PLA2G7: variants seen among roughly 807,000 people sequenced by gnomAD.
The protein encoded by PLA2G7 is platelet-activating factor acetylhydrolase.
PLA2G7 carries 63 observed loss-of-function variants against 49.6 expected under a neutral mutation model. The ratio of observed to expected loss-of-function variants is 1.27; its 90% confidence interval spans 1.04 to 1.57. PLA2G7 has a LOEUF of 1.57. PLA2G7 is among the 40% of genes most tolerant of loss of function. The pLI is 0.00. For missense variants in PLA2G7, 596 were observed against 521.2 expected (o/e 1.14, Z -1.40); for synonymous variants, 193 against 169.9 (o/e 1.14, Z -1.06).
At chr6:46,705,040 G>T (rs755732997) in intron 11 of PLA2G7, 113 bp downstream of exon 11, 5 of 828,522 alleles carry the variant, frequency 6.0e-6, no homozygotes, top group Non-Finnish European at 1.0e-5. Flanking sequence ...ATACTGCTTT[G>T]TTCCATTGTA....
rs1345343394 is a variant in PLA2G7 at position 46,709,568 on chromosome 6, T to A, written c.778-150A>T. On this transcript the variant is annotated intron_variant, in intron 8 of 11. Transcript: ENST00000274793. ...ATATACATATACACACATACATTTA[T>A]ACATACCATACACACATATACATCT... is the stretch of plus-strand genomic sequence containing the variant. 4.7e-6 allele frequency: 3 copies of A among 633,022 alleles called. No individual in the cohort carries two copies. The East Asian group carries it at 8.4e-5, about 18-fold the overall frequency. 39.2% of individuals were successfully genotyped at this position (633,022 alleles called of 1,614,324 possible). A position where few individuals can be genotyped will look rare whatever the true frequency, so the allele number is the denominator to read the frequency against.
intron 1 of PLA2G7, among the ~76,000 whole-genome samples, chr6:46,730,347 T>C (rs1765699282): frequency 6.6e-6 from 1 of 152,232 alleles, no homozygotes; most frequent in Admixed American, 6.5e-5. Context: ...TTATCTTCTT[T>C]ATCAGAGGAG....
Position 46,704,683 on chromosome 6 carries a change from A to G in PLA2G7, c.1203T>C (p.Asp401=), listed in dbSNP as rs1348662844. The change falls in exon 12 of 12, where the codon GAT becomes GAC. Residue 401 remains aspartate (D), a synonymous_variant. Coordinates refer to ENST00000274793, the MANE Select transcript of PLA2G7 (RefSeq NM_005084.4). ...FLQKHLGLHK[D]FDQWDCLIEG... ...CAATCAAGCAGTCCCACTGATCAAA[A>G]TCTTTATGAAGTCCTATAAAATATA... 1 of 1,577,082 alleles carries G rather than the reference A, an allele frequency of 6.3e-7. No homozygotes were observed. The highest frequency in any genetic ancestry group is 8.7e-7 in the Non-Finnish European group (1 of 1,146,324).
At chr6:46,730,655 C>G (rs1490519476) in intron 1 of PLA2G7, among the ~76,000 whole-genome samples, 1 of 152,078 alleles carries the variant, frequency 6.6e-6, no homozygotes, top group Non-Finnish European at 1.5e-5. Context: ...AATGGCAGCT[C>G]CATGTCACTA....
intron 2 of PLA2G7, among the ~76,000 whole-genome samples, chr6:46,719,439 C>T (rs1169665435): frequency 6.6e-6 from 1 of 152,168 alleles, no homozygotes; most frequent in Non-Finnish European, 1.5e-5. Flanking sequence ...CAATTCCACT[C>T]AATCAGAAAA....
At chr6:46,717,859 A>G (rs45497501) in intron 2 of PLA2G7, among the ~76,000 whole-genome samples, 2,176 of 151,798 alleles carry the variant, frequency 0.014, 52 homozygotes, top group African/African-American at 0.049. Context: ...TTACAGGTGT[A>G]GGCATGTGCC....
At chr6:46,732,949 G>A (rs1562082891) in intron 1 of PLA2G7, among the ~76,000 whole-genome samples, 5 of 152,006 alleles carry the variant, frequency 3.3e-5, no homozygotes, top group South Asian at 2.1e-4. Context: ...ATCTTGAGAC[G>A]TCAGTCAGGC....
rs936641315 is a variant in PLA2G7, at chr6:46,716,403, G to T, written c.357C>A (p.Asn119Lys). Residue 119 changes from asparagine to lysine, a missense_variant, in exon 4 of 12, where the codon AAC (asparagine) becomes AAA (lysine). By Grantham distance (94) the Asn-to-Lys change is moderately conservative (BLOSUM62 0). Transcript: ENST00000274793. ...TCTTACCAAAGAGTAACCTCAAAAT[G>T]TTGCCCATAAGCCAGTGTGTTCCAA... ...KFLGTHWLMG[N>K]ILRLLFGSMT... The T allele has an allele frequency of 6.2e-6, 10 of 1,613,946 alleles. No individual in the cohort carries two copies. The highest frequency in any genetic ancestry group is 2.7e-5 in the African/African-American group (2 of 74,906).
At chr6:46,709,046 T>A (rs4498351) in intron 9 of PLA2G7, among the ~76,000 whole-genome samples, 62,911 of 151,868 alleles carry the variant, frequency 0.41, 13,507 homozygotes, top group East Asian at 0.56. Flanking sequence ...TCACAAAAAA[T>A]TATATAAAGA....
intron 9 of PLA2G7, 152 bp downstream of exon 9, chr6:46,709,175 G>A: frequency 1.7e-6 from 1 of 605,030 alleles, no homozygotes; most frequent in East Asian, 2.9e-5. Flanking sequence ...CTAGGAAAAT[G>A]TATATAGAGT....
At chr6:46,715,906 G>A (rs34769977) in intron 4 of PLA2G7, among the ~76,000 whole-genome samples, 11 of 152,192 alleles carry the variant, frequency 7.2e-5, no homozygotes, top group Non-Finnish European at 1.3e-4. Context: ...GATTGTCTTA[G>A]CGATGGGGGT....
rs1365127123 is a variant in PLA2G7, at chr6:46,704,566, G to A, written c.1320C>T (p.Tyr440=). ...TAAAAAACCTATTTTAATCCTAATT[G>A]TATTTCTCTATTCCTGAAGAGTTCT... ...MLQNSSGIEK[Y]N Residue 440 remains tyrosine, a synonymous_variant, in exon 12 of 12, where the codon TAC becomes TAT. Transcript: ENST00000274793. 1.3e-6 allele frequency: 2 copies of A among 1,576,638 alleles called. No homozygotes were observed. Among genetic ancestry groups the A allele is most frequent in the East Asian group, 2.3e-5 (1 of 44,256 alleles).
chr6:46,732,983 A>C (rs947326358), intron 1 of PLA2G7, among the ~76,000 whole-genome samples: 1 of 152,194 alleles, frequency 6.6e-6, no homozygotes, highest in African/African-American at 2.4e-5. Flanking sequence ...TCTTGAAAAA[A>C]AATTAGGCTT....
intron 1 of PLA2G7, among the ~76,000 whole-genome samples, chr6:46,733,276 G>A (rs976074058): frequency 6.6e-6 from 1 of 152,216 alleles, no homozygotes; most frequent in Non-Finnish European, 1.5e-5. Flanking sequence ...AGGGGACAGA[G>A]ACACAATGGA....
Position 46,704,543 on chromosome 6 carries a change from A to G in PLA2G7, c.*17T>C. On this transcript the variant is annotated 3_prime_UTR_variant, in exon 12 of 12. Transcript: ENST00000274793. The stretch of plus-strand genomic sequence containing the variant: ...AGACAGTTTTGAAACAAGACTTTTA[A>G]AAAACCTATTTTAATCCTAATTGTA... 2 of 1,506,004 alleles carry G rather than the reference A, an allele frequency of 1.3e-6. No individual in the cohort carries two copies. The highest frequency in any genetic ancestry group is 1.8e-6 in the Non-Finnish European group (2 of 1,083,058). The allele number at this position is 1,506,004 out of a possible 1,614,324, so 93.3% of individuals were successfully genotyped here. A position where few individuals can be genotyped will look rare whatever the true frequency, so the allele number is the denominator to read the frequency against.
rs367646021 is a variant in PLA2G7 at position 46,711,461 on chromosome 6, G to C, written c.663+35C>G. ...TGTCATCCTTTTGTACATGCTTTTA[G>C]GTCACCAACCACCTCTCCTTTCACT... On this transcript the variant is annotated intron_variant, in intron 7 of 11. Coordinates refer to ENST00000274793, the MANE Select transcript of PLA2G7 (RefSeq NM_005084.4). 6 of 1,611,332 alleles carry C rather than the reference G, an allele frequency of 3.7e-6. No homozygotes were observed. In the African/African-American group the frequency reaches 8.0e-5, roughly 22 times the overall value.
At position 46,716,505 on chromosome 6, in the gene PLA2G7, A is replaced by C; in HGVS notation, c.255T>G (p.Tyr85Ter). 6.2e-7 allele frequency: 1 copy of C among 1,613,910 alleles called. No homozygotes were observed. The highest frequency in any genetic ancestry group is 8.5e-7 in the Non-Finnish European group (1 of 1,179,818). Residue 85 changes from tyrosine (Y) to a stop codon, truncating the protein, a stop_gained, in exon 4 of 12, where the codon TAT (tyrosine) becomes TAG (stop). Transcript: ENST00000274793. LOFTEE classifies it high-confidence loss of function. ...CAAGGCGATCATTATCTTGGGATGG[A>C]TAATATAAACGCAAGAAGGTGCCCT... ...TNKGTFLRLYYPSQDNDRLDT... is the reference protein window; with the variant it reads ...TNKGTFLRLY
chr6:46,726,116 C>G (rs1453870135), intron 1 of PLA2G7, among the ~76,000 whole-genome samples: 2 of 152,170 alleles, frequency 1.3e-5, no homozygotes, highest in Admixed American at 6.5e-5. Context: ...TGCAGCATTC[C>G]TTTTTCCAAG....
intron 7 of PLA2G7, among the ~76,000 whole-genome samples, chr6:46,711,201 A>C (rs1387539225): frequency 1.3e-5 from 2 of 152,184 alleles, no homozygotes; most frequent in Non-Finnish European, 2.9e-5. Flanking sequence ...GGAAGAATCT[A>C]TTAATTTATT....
Sources: allele counts gnomAD v4.1 joint callset (sites outside exome capture counted in the v4.1 genomes callset), GRCh38; gene constraint gnomAD v4.1.1; transcripts MANE v1.5; gene names NCBI Gene and HGNC (gene_info 2026-07-23, HGNC 2026-07-21).